IKBKB-DT: variants seen among roughly 807,000 people sequenced by gnomAD.
The protein encoded by IKBKB-DT is IKBKB divergent transcript, also known as IKBKB antisense RNA.
At chr8:42,262,040 A>G (rs1807295967) in intron 3 of IKBKB-DT, among the ~76,000 whole-genome samples, 1 of 151,966 alleles carries the variant, frequency 6.6e-6, no homozygotes, top group Non-Finnish European at 1.5e-5. Context: ...AGGATCAATA[A>G]CCAATGGTTA....
intron 3 of IKBKB-DT, among the ~76,000 whole-genome samples, chr8:42,238,435 C>T (rs77916345): frequency 2.9e-3 from 443 of 152,302 alleles, no homozygotes; most frequent in African/African-American, 0.01. Context: ...AACTGACCCC[C>T]TCCTTGTTCA....
chr8:42,270,251 T>G (rs1016935530), intron 1 of IKBKB-DT: 1 of 152,258 alleles, frequency 6.6e-6, no homozygotes, highest in South Asian at 2.1e-4. Flanking sequence ...CTCAACACTT[T>G]GGGAAGCCCA....
intron 3 of IKBKB-DT, among the ~76,000 whole-genome samples, chr8:42,250,892 C>CA (rs1807121622): frequency 6.6e-6 from 1 of 151,898 alleles, no homozygotes; most frequent in South Asian, 2.1e-4. Flanking sequence ...CACAAACAAA[C>CA]AAAAAAACAT....
At chr8:42,239,257 C>T (rs1473376812) in intron 3 of IKBKB-DT, among the ~76,000 whole-genome samples, 4 of 152,044 alleles carry the variant, frequency 2.6e-5, no homozygotes, top group Admixed American at 1.3e-4. Flanking sequence ...GCTACGGGGC[C>T]TCTCCTGTGA....
intron 3 of IKBKB-DT, among the ~76,000 whole-genome samples, chr8:42,262,748 A>AT (rs1807308661): frequency 7.7e-6 from 1 of 130,094 alleles, no homozygotes; most frequent in African/African-American, 3.0e-5. Flanking sequence ...CTATTTTTTT[A>AT]TTTTTTTGAG....
intron 3 of IKBKB-DT, among the ~76,000 whole-genome samples, chr8:42,247,865 C>T (rs979694003): frequency 3.3e-5 from 5 of 152,204 alleles, no homozygotes; most frequent in South Asian, 4.1e-4. Context: ...GAGGCTAAGG[C>T]GGGTGGATCA....
At chr8:42,246,292 T>C (rs1444282098) in intron 3 of IKBKB-DT, among the ~76,000 whole-genome samples, 3 of 152,130 alleles carry the variant, frequency 2.0e-5, no homozygotes, top group Non-Finnish European at 4.4e-5. Flanking sequence ...CCTCCCAAAA[T>C]GTTGGAATTA....
chr8:42,259,068 C>T (rs1256013167), intron 3 of IKBKB-DT, among the ~76,000 whole-genome samples: 1 of 152,058 alleles, frequency 6.6e-6, no homozygotes, highest in Non-Finnish European at 1.5e-5. Flanking sequence ...TCTCCTTGCC[C>T]AGGCTGGAAT....
At chr8:42,250,538 T>G (rs115373395) in intron 3 of IKBKB-DT, among the ~76,000 whole-genome samples, 30 of 152,296 alleles carry the variant, frequency 2.0e-4, no homozygotes, top group African/African-American at 7.0e-4. Context: ...GGGGAAGGGC[T>G]ACTATCGTTT....
At chr8:42,246,318 G>C (rs1807064373) in intron 3 of IKBKB-DT, among the ~76,000 whole-genome samples, 1 of 152,154 alleles carries the variant, frequency 6.6e-6, no homozygotes, top group Admixed American at 6.5e-5. Flanking sequence ...GTAAGCCACA[G>C]TGCCCAGCCC....
In IKBKB-DT at chr8:42,262,320, T is replaced by TA. The variant is rs928566817; in HGVS notation, n.1529+1008dup. 9.5e-4 allele frequency among the ~76,000 whole-genome samples: 138 copies of TA among 144,550 alleles called. 1 individual carries two copies. Among genetic ancestry groups the TA allele is most frequent in the East Asian group, 5.5e-3 (28 of 5,054 alleles). 94.8% of individuals were successfully genotyped at this position (144,550 alleles called of 152,430 possible). On this transcript the variant is annotated intron_variant and non_coding_transcript_variant, in intron 3 of 3. Coordinates refer to ENST00000518213, the Ensembl canonical transcript of IKBKB-DT. Reference sequence around the variant, plus strand: ...ATAAATAAAAGATGACCACTTTATTTAAAAAAAAAAAGAAAAGAAAAGAAA... The same window carrying TA: ...ATAAATAAAAGATGACCACTTTATTTAAAAAAAAAAAAGAAAAGAAAAGAAA...
At position 42,240,391 on chromosome 8, in the gene IKBKB-DT, G is replaced by A. The variant is rs1046471042; in HGVS notation, n.1530-6532C>T. On this transcript the variant is annotated intron_variant and non_coding_transcript_variant, in intron 3 of 3. Transcript: ENST00000518213. ...TGCAATCCCAGCACTTTGGGAGGCC[G>A]AGGCGGGCAGATCACGAGGTCAGGA... 5.9e-5 allele frequency among the ~76,000 whole-genome samples: 9 copies of A among 151,960 alleles called. No individual in the cohort carries two copies. In the South Asian group the frequency reaches 8.3e-4, roughly 14 times the overall value.
intron 1 of IKBKB-DT, among the ~76,000 whole-genome samples, chr8:42,269,223 G>A (rs1807430796): frequency 6.6e-6 from 1 of 151,162 alleles, no homozygotes; most frequent in Non-Finnish European, 1.5e-5. Flanking sequence ...GGGAGGCTGA[G>A]GCGGGAGGAC....
chr8:42,239,981 C>T (rs1172075623), intron 3 of IKBKB-DT, among the ~76,000 whole-genome samples: 4 of 152,050 alleles, frequency 2.6e-5, no homozygotes, highest in Non-Finnish European at 5.9e-5. Flanking sequence ...AGATTGTAAA[C>T]TGAATGATGA....
chr8:42,239,286 C>T (rs1286788022), intron 3 of IKBKB-DT, among the ~76,000 whole-genome samples: 5 of 151,950 alleles, frequency 3.3e-5, no homozygotes, highest in East Asian at 1.9e-4. Flanking sequence ...TGACCATCCT[C>T]GAAGCCCAAC....
chr8:42,256,490 T>C (rs1254399652), intron 3 of IKBKB-DT, among the ~76,000 whole-genome samples: 1 of 152,018 alleles, frequency 6.6e-6, no homozygotes, highest in Non-Finnish European at 1.5e-5. Flanking sequence ...GAGAATCACT[T>C]GAACCCGAGA....
intron 3 of IKBKB-DT, among the ~76,000 whole-genome samples, chr8:42,251,828 C>CAAAAAAAA (rs59420104): frequency 2.2e-5 from 2 of 91,456 alleles, no homozygotes; most frequent in African/African-American, 7.8e-5. Flanking sequence ...GACTCCATCT[C>CAAAAAAAA]AAAAAAAAAA....
At chr8:42,252,024 G>A (rs1379615966) in intron 3 of IKBKB-DT, among the ~76,000 whole-genome samples, 2 of 152,184 alleles carry the variant, frequency 1.3e-5, no homozygotes, top group Non-Finnish European at 2.9e-5. Flanking sequence ...GCTTGCATAA[G>A]TGAATGCTGG....
chr8:42,239,956 A>T (rs1213218468), intron 3 of IKBKB-DT, among the ~76,000 whole-genome samples: 1 of 151,996 alleles, frequency 6.6e-6, no homozygotes, highest in Non-Finnish European at 1.5e-5. Flanking sequence ...GCAATTTTTT[A>T]AAACTATAAA....
Sources: allele counts gnomAD v4.1 joint callset (sites outside exome capture counted in the v4.1 genomes callset), GRCh38; gene constraint gnomAD v4.1.1; transcripts MANE v1.5; gene names NCBI Gene and HGNC (gene_info 2026-07-23, HGNC 2026-07-21).